The following HUWE1 variants were observed in gnomAD, a reference collection of about 807,000 sequenced individuals.
HUWE1 encodes HECT, UBA and WWE domain containing E3 ubiquitin protein ligase 1.
A neutral mutation model predicts 299.4 loss-of-function variants in HUWE1; 18 were observed. The observed-to-expected ratio is 0.06, with a 90% confidence interval of 0.04 to 0.09. HUWE1 has a LOEUF of 0.09. Among genes scored for constraint, HUWE1 ranks in the 10% least tolerant of loss-of-function variants. HUWE1 has a pLI of 1.00. For missense variants in HUWE1, 1,832 were observed against 3,462.3 expected (o/e 0.53, Z 11.82); for synonymous variants, 1,317 against 1,286.1 (o/e 1.02, Z -0.51).
rs894920416 is a variant in HUWE1, at chrX:53,549,487, T to C, written c.9507A>G (p.Val3169=). The change falls in exon 67 of 84, where the codon GTA becomes GTG. Residue 3169 remains valine, a synonymous_variant. Transcript: ENST00000262854. ...GTCCTCGGAGGCGGAGGAGAGTATCTACATTACTGCCAGAAGGCCTGGAAA... is the reference window on the plus strand; with the variant it reads ...GTCCTCGGAGGCGGAGGAGAGTATCCACATTACTGCCAGAAGGCCTGGAAA... ...SSHNRPSGSN[V]DTLLRLRGRL... The C allele has an allele frequency of 3.1e-5, 37 of 1,205,321 alleles. No homozygotes were observed. The highest frequency in any genetic ancestry group is 3.9e-5 in the Non-Finnish European group (35 of 894,272).
chrX:53,546,281 G>A (rs1556922613), intron 70 of HUWE1, among the ~76,000 whole-genome samples, 155 bp downstream of exon 70: 1 of 111,693 alleles, frequency 9.0e-6, no homozygotes, highest in Non-Finnish European at 1.9e-5. Flanking sequence ...GATAACCCAG[G>A]GTAATCTGTG....
intron 3 of HUWE1, among the ~76,000 whole-genome samples, chrX:53,659,569 G>A (rs2068901521): frequency 8.9e-6 from 1 of 111,955 alleles, no homozygotes; most frequent in South Asian, 3.7e-4. Context: ...GTGGAGCGCA[G>A]AGGATTTTTT....
chrX:53,622,675 G>A (rs782729151), intron 19 of HUWE1, among the ~76,000 whole-genome samples: 1 of 111,984 alleles, frequency 8.9e-6, no homozygotes, highest in Admixed American at 9.4e-5. Context: ...AGACTGGCAT[G>A]AAACTACCTA....
chrX:53,640,794 AAAAAC>A (rs1189648834), intron 7 of HUWE1, among the ~76,000 whole-genome samples: 2 of 112,539 alleles, frequency 1.8e-5, no homozygotes, highest in African/African-American at 6.5e-5. Flanking sequence ...GAATTACCTA[AAAAAC>A]AAAACAAAGA....
Position 53,554,902 on chromosome X carries a change from T to A in HUWE1, c.8225A>T (p.Asp2742Val). The A allele has an allele frequency of 2.5e-6, 3 of 1,183,720 alleles. No homozygotes were observed. The highest frequency in any genetic ancestry group is 3.4e-6 in the Non-Finnish European group (3 of 879,386). ...QNLSDGTPMP[D>V]SYPTTPSSTD... ...TGAAGATGGGGTTGTTGGGTAGCTG[T>A]CAGGCATAGGCGTCCCATCTTTCTC... is the stretch of plus-strand genomic sequence containing the variant. Residue 2742 changes from aspartate (D) to valine (V), a missense_variant, in exon 61 of 84, where the codon GAC becomes GTC. Around this residue, in one of 15 missense-constraint regions of HUWE1, gnomAD observed 143 missense variants for 148.1 expected, o/e 0.97. Transcript: ENST00000262854.
rs2149057022 is a variant in HUWE1, at chrX:53,631,038, T to C, written c.763-4A>G. ...GTATGTGTGTAAATAACAGCATCTG[T>C]AGAGAGATAAGACATACATTTTAAA... On this transcript the variant is annotated splice_polypyrimidine_tract_variant and splice_region_variant and intron_variant, in intron 11 of 83. Coordinates refer to ENST00000262854, the MANE Select transcript of HUWE1 (RefSeq NM_031407.7). 9.3e-7 allele frequency: 1 copy of C among 1,072,400 alleles called. No homozygotes were observed. The highest frequency in any genetic ancestry group is 2.2e-5 in the Admixed American group (1 of 45,877). The allele number at this position is 1,072,400 out of a possible 1,213,427, so 88.4% of individuals were successfully genotyped here.
intron 47 of HUWE1, 139 bp downstream of exon 47, chrX:53,573,611 C>T: frequency 1.8e-6 from 1 of 542,891 alleles, no homozygotes. Flanking sequence ...CCCGGCCTTG[C>T]ATGTCTGAAG....
In HUWE1 at chrX:53,646,207, G is replaced by T. The variant is rs148102171; in HGVS notation, c.352-744C>A. On this transcript the variant is annotated intron_variant, in intron 6 of 83. Coordinates refer to ENST00000262854, the MANE Select transcript of HUWE1 (RefSeq NM_031407.7). ...CGGGGTCTCTCTGTTGCCCAGGCTG[G>T]AGTGCAAAGGCATGATCATAGCTCC... Among the ~76,000 whole-genome samples the T allele has an allele frequency of 1.2e-3, 129 of 110,785 alleles. No homozygotes were observed. In the East Asian group the frequency reaches 0.034, roughly 30 times the overall value.
Position 53,555,578 on chromosome X carries a change from C to T in HUWE1, c.8207-658G>A, listed in dbSNP as rs186926831. 3.9e-3 allele frequency among the ~76,000 whole-genome samples: 431 copies of T among 110,316 alleles called. 2 individuals are homozygous for T. Among genetic ancestry groups the T allele is most frequent in the African/African-American group, 0.014 (418 of 30,314 alleles). On this transcript the variant is annotated intron_variant, in intron 60 of 83. Coordinates refer to ENST00000262854, the MANE Select transcript of HUWE1 (RefSeq NM_031407.7). ...CTAAGCTCTAGCAATCCACCCACCT[C>T]GGCCTCCCAAAGTGCTGGGATTACA...
intron 82 of HUWE1, 136 bp downstream of exon 82, chrX:53,534,380 A>G (rs1354814155): frequency 5.9e-6 from 4 of 674,865 alleles, no homozygotes; most frequent in South Asian, 5.4e-5. Flanking sequence ...TCAGGAGAAC[A>G]AAGAGTTAGA....
At chrX:53,679,721 GATT>G (rs2070030321) in intron 3 of HUWE1, among the ~76,000 whole-genome samples, 1 of 112,352 alleles carries the variant, frequency 8.9e-6, no homozygotes, top group Non-Finnish European at 1.9e-5. Context: ...TAAGTGGGGG[GATT>G]ATTATACTAT....
intron 47 of HUWE1, among the ~76,000 whole-genome samples, chrX:53,570,533 T>C (rs1369668950): frequency 3.6e-5 from 4 of 112,085 alleles, no homozygotes; most frequent in Admixed American, 9.4e-5. Flanking sequence ...TGTGCTACAA[T>C]AGAAGCTGGT....
chrX:53,581,124 GGA>G, intron 42 of HUWE1, 98 bp from the exon 43 acceptor site: 1 of 724,939 alleles, frequency 1.4e-6, no homozygotes, highest in Non-Finnish European at 2.0e-6. Context: ...TTGATTTTGG[GGA>G]GAATGACATT....
Position 53,546,773 on chromosome X carries a change from G to A in HUWE1, c.10689C>T (p.Gly3563=). 8.3e-7 allele frequency: 1 copy of A among 1,210,006 alleles called. No individual in the cohort carries two copies. Among genetic ancestry groups the A allele is most frequent in the South Asian group, 1.8e-5 (1 of 56,717 alleles). The change falls in exon 69 of 84, where the codon GGC becomes GGT. Residue 3563 remains glycine (G), a synonymous_variant. Coordinates refer to ENST00000262854, the MANE Select transcript of HUWE1 (RefSeq NM_031407.7). Reference sequence around the variant, plus strand: ...CCATCTTAAAGTCTGTACTGCTGCTGCCCCCATCACTCACCTTCGCTGGAG... The same window carrying A: ...CCATCTTAAAGTCTGTACTGCTGCTACCCCCATCACTCACCTTCGCTGGAG... ...SKSPAKVSDG[G]SSSTDFKMVS...
At chrX:53,648,357 T>C in intron 4 of HUWE1, 47 bp from the exon 5 acceptor site, 3 of 792,795 alleles carry the variant, frequency 3.8e-6, no homozygotes, top group Middle Eastern at 2.8e-4. Flanking sequence ...AATGAGGGAG[T>C]TGCAAATAAG....
In HUWE1 at chrX:53,539,890, AACTAATAT is replaced by A. The variant is rs1418168172; in HGVS notation, c.11477-86_11477-79del. The A allele has an allele frequency of 1.6e-5, 16 of 979,275 alleles. No individual in the cohort carries two copies. The Admixed American group carries it at 4.0e-4, about 25-fold the overall frequency. 80.7% of individuals were successfully genotyped at this position (979,275 alleles called of 1,213,427 possible). On this transcript the variant is annotated intron_variant, in intron 74 of 83. Coordinates refer to ENST00000262854, the MANE Select transcript of HUWE1 (RefSeq NM_031407.7). ...TAGATCTTTCTAGACCACACGCACCAACTAATATACAGAACAAGTAGAGGGGACCACTG... is the reference window on the plus strand; with the variant it reads ...TAGATCTTTCTAGACCACACGCACCAACAGAACAAGTAGAGGGGACCACTG...
At chrX:53,542,815 T>C (rs1440655305) in intron 73 of HUWE1, 2 of 343,926 alleles carry the variant, frequency 5.8e-6, no homozygotes, top group Non-Finnish European at 1.0e-5. Context: ...AGAACTAGCC[T>C]CCTGTATATA....
intron 49 of HUWE1, among the ~76,000 whole-genome samples, chrX:53,566,133 G>GTGTATGTATATA (rs782815282): frequency 5.1e-5 from 2 of 38,989 alleles, no homozygotes; most frequent in Admixed American, 3.4e-4. Flanking sequence ...GTGTGTGTGT[G>GTGTATGTATATA]TATATATATA....
Position 53,593,566 on chromosome X carries a change from A to G in HUWE1, c.3539T>C (p.Val1180Ala). ...GTGTTCCAATCCCTCAGAAACAGGA[A>G]CTTTACCTCCCATGGACAGAGCCCA... The part of the protein sequence containing the change: ...FNWALSMGGK[V>A]PVSEGLEHSD... The change falls in exon 32 of 84, where the codon GTT becomes GCT. Residue 1180 changes from valine (V) to alanine (A), a missense_variant. Coordinates refer to ENST00000262854, the MANE Select transcript of HUWE1 (RefSeq NM_031407.7). The G allele has an allele frequency of 1.7e-6, 2 of 1,209,769 alleles. No homozygotes were observed. Among genetic ancestry groups the G allele is most frequent in the Non-Finnish European group, 2.2e-6 (2 of 893,441 alleles).
Sources: allele counts gnomAD v4.1 joint callset (sites outside exome capture counted in the v4.1 genomes callset), GRCh38; gene constraint gnomAD v4.1.1; regional missense constraint gnomAD v4.1.1; transcripts MANE v1.5; gene names NCBI Gene and HGNC (gene_info 2026-07-23, HGNC 2026-07-21).